The following GRM6 variants were observed in gnomAD, a reference collection of about 807,000 sequenced individuals.
The protein encoded by GRM6 is glutamate metabotropic receptor 6.
Under a neutral mutation model 78.4 loss-of-function variants are expected in GRM6, and 73 were observed. The observed-to-expected ratio is 0.93, with a 90% CI of 0.77 to 1.13. GRM6 has a LOEUF of 1.13. Ranked by LOEUF, GRM6 falls within the 50% of genes most tolerant of loss-of-function variation. GRM6 has a pLI of 0.00. For synonymous variants in GRM6, 580 were observed against 555.0 expected, an observed-to-expected ratio of 1.05 and a Z score of -0.63; for missense variants, 1,251 against 1,256.4, an observed-to-expected ratio of 1.00 and a Z score of 0.07.
chr5:178,988,335 G>A lies in GRM6; in HGVS notation c.1354+600C>T, dbSNP rs1760605836. Among the ~76,000 whole-genome samples, 1 of 152,226 alleles carries A rather than the reference G, an allele frequency of 6.6e-6. No individual in the cohort carries two copies. The highest frequency in any genetic ancestry group is 1.5e-5 in the Non-Finnish European group (1 of 68,038). ...TGATTAGCAGAGAGCATGGCGGAGA[G>A]AAGGTGGTGAGTGAGTGTTCAGTGG... On this transcript the variant is annotated intron_variant, in intron 7 of 10. Transcript: ENST00000517717. This position sits in a 1 kb window ranked among gnomAD's most constrained non-coding sequence, Gnocchi z 6.0.
chr5:178,989,726 C>G, intron 5 of GRM6: 1 of 438,916 alleles, frequency 2.3e-6, no homozygotes, highest in South Asian at 2.1e-5. Flanking sequence ...ACTTTTATCC[C>G]TGCTCCTTCT....
In GRM6 at chr5:178,981,424, A is replaced by ATC; in HGVS notation, c.*232_*233insGA. 1 of 489,296 alleles carries ATC rather than the reference A, an allele frequency of 2.0e-6. No individual in the cohort carries two copies. Among genetic ancestry groups the ATC allele is most frequent in the Non-Finnish European group, 3.7e-6 (1 of 271,808 alleles). The allele number at this position is 489,296 out of a possible 1,614,324, so 30.3% of individuals were successfully genotyped here. A position where few individuals can be genotyped will look rare whatever the true frequency, so the allele number is the denominator to read the frequency against. On this transcript the variant is annotated 3_prime_UTR_variant, in exon 11 of 11. Coordinates refer to ENST00000517717, the MANE Select transcript of GRM6 (RefSeq NM_000843.4). This position sits in a 1 kb window ranked among gnomAD's most constrained non-coding sequence, Gnocchi z 5.1. ...AGAACCTTCTCGGTGGCTGTTTCCC[A>ATC]CCATGGGAAGCGAGTCTGGTCTGTG...
In GRM6 at chr5:178,981,890, C is replaced by A. The variant is rs768658323; in HGVS notation, c.2437-36G>T. On this transcript the variant is annotated intron_variant, in intron 10 of 10. Transcript: ENST00000517717. This position sits in a 1 kb window ranked among gnomAD's most constrained non-coding sequence, Gnocchi z 5.1. ...GAAGAGGGGACCAGATGGGACTCAG[C>A]CCTGCTCTCCCTGCCCCGCTCCACA... 8.3e-7 allele frequency: 1 copy of A among 1,210,422 alleles called. No homozygotes were observed. The highest frequency in any genetic ancestry group is 1.2e-6 in the Non-Finnish European group (1 of 812,442). The allele number at this position is 1,210,422 out of a possible 1,614,324, so 75.0% of individuals were successfully genotyped here.
Position 178,992,094 on chromosome 5 carries a change from G to C in GRM6, c.505-11C>G, listed in dbSNP as rs556398229. 6.2e-7 allele frequency: 1 copy of C among 1,601,966 alleles called. No individual in the cohort carries two copies. Among genetic ancestry groups the C allele is most frequent in the South Asian group, 1.1e-5 (1 of 90,802 alleles). ...GCTGATCTGGGGTATCTGTGGGGCA[G>C]GAAGGACAGCTGGGCTGTGGATGGA... On this transcript the variant is annotated splice_polypyrimidine_tract_variant and intron_variant, in intron 2 of 10. Transcript: ENST00000517717. This position sits in a 1 kb window ranked among gnomAD's most constrained non-coding sequence, Gnocchi z 4.9.
In GRM6 at chr5:178,979,120, G is replaced by A. The variant is rs1207447691; in HGVS notation, c.*2537C>T. 2 of 152,172 alleles carry A rather than the reference G, an allele frequency of 1.3e-5. No homozygotes were observed. Among genetic ancestry groups the A allele is most frequent in the Non-Finnish European group, 2.9e-5 (2 of 68,084 alleles). 9.4% of individuals were successfully genotyped at this position (152,172 alleles called of 1,614,324 possible). On this transcript the variant is annotated 3_prime_UTR_variant, in exon 11 of 11. Coordinates refer to ENST00000517717, the MANE Select transcript of GRM6 (RefSeq NM_000843.4). The stretch of plus-strand genomic sequence containing the variant: ...TAAAACATTAGCTGGGTATGGTCGT[G>A]CGCACCAGCTACTCAGGAGGCTGAA...
chr5:178,981,318 C>A lies in GRM6; in HGVS notation c.*339G>T. 3.5e-6 allele frequency: 1 copy of A among 287,860 alleles called. No individual in the cohort carries two copies. Among genetic ancestry groups the A allele is most frequent in the Non-Finnish European group, 6.7e-6 (1 of 150,322 alleles). 17.8% of individuals were successfully genotyped at this position (287,860 alleles called of 1,614,324 possible). ...GGTTGACTGAGGGGAGGAAATCTCC[C>A]GCAAACCAGGCAAAGCCCAGGGCTT... On this transcript the variant is annotated 3_prime_UTR_variant, in exon 11 of 11. Coordinates refer to ENST00000517717, the MANE Select transcript of GRM6 (RefSeq NM_000843.4). The surrounding 1 kb of genome is among the most constrained non-coding windows in gnomAD (Gnocchi z 5.1).
chr5:178,992,233 A>G lies in GRM6; in HGVS notation c.505-150T>C. 1 of 706,450 alleles carries G rather than the reference A, an allele frequency of 1.4e-6. No homozygotes were observed. Among genetic ancestry groups the G allele is most frequent in the Non-Finnish European group, 2.6e-6 (1 of 391,460 alleles). The allele number at this position is 706,450 out of a possible 1,614,324, so 43.8% of individuals were successfully genotyped here. On this transcript the variant is annotated intron_variant, in intron 2 of 10. Coordinates refer to ENST00000517717, the MANE Select transcript of GRM6 (RefSeq NM_000843.4). This position sits in a 1 kb window ranked among gnomAD's most constrained non-coding sequence, Gnocchi z 4.9. ...GGGAGATGGAAGGGTTGGGGTGGGG[A>G]CCTGGGGCCAGCTGGAGCAGCCACC...
At chr5:178,990,462 C>T in intron 5 of GRM6, 130 bp downstream of exon 5, 1 of 819,950 alleles carries the variant, frequency 1.2e-6, no homozygotes, top group Non-Finnish European at 2.1e-6. Context: ...TGATCGGACT[C>T]ATAGGATCTG....
chr5:178,981,804 C>T lies in GRM6; in HGVS notation c.2487G>A (p.Ser829=), dbSNP rs202157072. The T allele has an allele frequency of 2.4e-5, 38 of 1,612,958 alleles. No individual in the cohort carries two copies. The highest frequency in any genetic ancestry group is 2.3e-4 in the South Asian group (21 of 91,050). The change falls in exon 11 of 11, where the codon TCG becomes TCA. Residue 829 remains serine (S), a synonymous_variant. Transcript: ENST00000517717. This position sits in a 1 kb window ranked among gnomAD's most constrained non-coding sequence, Gnocchi z 5.1. ...GTACGTAGAGCATGCCGAGGGACAC[C>T]GAGGCACTCAGGCTCAAGGACACGG... ...TLTVSLSLSA[S]VSLGMLYVPK...
Position 178,991,036 on chromosome 5 carries a change from G to A in GRM6, c.858-290C>T, listed in dbSNP as rs1175155801. Among the ~76,000 whole-genome samples the A allele has an allele frequency of 2.6e-5, 4 of 152,060 alleles. No homozygotes were observed. The highest frequency in any genetic ancestry group is 7.2e-5 in the African/African-American group (3 of 41,398). On this transcript the variant is annotated intron_variant, in intron 4 of 10. Transcript: ENST00000517717. The surrounding 1 kb of genome is among the most constrained non-coding windows in gnomAD (Gnocchi z 5.0). ...CCCCTCCCCACATGCCTCCACCAGCGTCACACCCAGCCTCCTAGGCTGGAG... is the reference window on the plus strand; with the variant it reads ...CCCCTCCCCACATGCCTCCACCAGCATCACACCCAGCCTCCTAGGCTGGAG...
In GRM6 at chr5:178,981,601, T is replaced by G. The variant is rs17078853; in HGVS notation, c.*56A>C. Reference sequence around the variant, plus strand: ...ACCCGGGCTCTATACAGCTTCCACCTCGAGGCAAGAGGAAGAAAGGAGAGG... The same window carrying G: ...ACCCGGGCTCTATACAGCTTCCACCGCGAGGCAAGAGGAAGAAAGGAGAGG... On this transcript the variant is annotated 3_prime_UTR_variant, in exon 11 of 11. Coordinates refer to ENST00000517717, the MANE Select transcript of GRM6 (RefSeq NM_000843.4). This position sits in a 1 kb window ranked among gnomAD's most constrained non-coding sequence, Gnocchi z 5.1. 0.04 allele frequency: 56,107 copies of G among 1,395,726 alleles called. 1,719 individuals carry two copies. The highest frequency in any genetic ancestry group is 0.16 in the East Asian group (6,840 of 43,658). The allele number at this position is 1,395,726 out of a possible 1,614,324, so 86.5% of individuals were successfully genotyped here.
At position 178,994,608 on chromosome 5, in the gene GRM6, C is replaced by T. The variant is rs1193400506; in HGVS notation, c.337G>A (p.Val113Met). The change falls in exon 2 of 11, where the codon GTG becomes ATG. Residue 113 changes from valine to methionine, a missense_variant. Val to Met is a conservative substitution (Grantham distance 21). Coordinates refer to ENST00000517717, the MANE Select transcript of GRM6 (RefSeq NM_000843.4). ...TYALEQALSF[V>M]QALIRGRGDG... The stretch of plus-strand genomic sequence containing the variant: ...CCGCGGCCGCGGATCAGCGCCTGCA[C>T]GAAGCTCAGCGCCTGCTCCAGCGCG... 4 of 1,429,722 alleles carry T rather than the reference C, an allele frequency of 2.8e-6. No homozygotes were observed. The South Asian group carries it at 5.5e-5, about 20-fold the overall frequency. The allele number at this position is 1,429,722 out of a possible 1,614,324, so 88.6% of individuals were successfully genotyped here.
In GRM6 at chr5:178,991,682, C is replaced by A; in HGVS notation, c.722-123G>T. On this transcript the variant is annotated intron_variant, in intron 3 of 10. Coordinates refer to ENST00000517717, the MANE Select transcript of GRM6 (RefSeq NM_000843.4). The surrounding 1 kb of genome is among the most constrained non-coding windows in gnomAD (Gnocchi z 5.0). ...TGCAGGGGTGAAGTCTGGCCTGCAC[C>A]CTCCGCCAAGCCTGAGGCAGGGCTG... is the stretch of plus-strand genomic sequence containing the variant. 1 of 1,294,384 alleles carries A rather than the reference C, an allele frequency of 7.7e-7. No homozygotes were observed. Among genetic ancestry groups the A allele is most frequent in the Non-Finnish European group, 1.1e-6 (1 of 895,582 alleles). 80.2% of individuals were successfully genotyped at this position (1,294,384 alleles called of 1,614,324 possible).
intron 10 of GRM6, among the ~76,000 whole-genome samples, chr5:178,982,150 A>G (rs912866770): frequency 3.3e-5 from 5 of 152,208 alleles, no homozygotes; most frequent in African/African-American, 7.2e-5. Context: ...ATACATACAA[A>G]TGAATAAATG....
At chr5:178,985,502 G>T (rs953363744) in intron 9 of GRM6, 7 of 340,944 alleles carry the variant, frequency 2.1e-5, no homozygotes, top group African/African-American at 1.1e-4. Flanking sequence ...AGGAGATCGA[G>T]ACCATCCTGG....
At chr5:178,983,323 G>T in intron 9 of GRM6, 102 bp from the exon 10 acceptor site, 2 of 991,466 alleles carry the variant, frequency 2.0e-6, no homozygotes, top group Non-Finnish European at 3.1e-6. Context: ...TGAGGCTCTG[G>T]CCTATGGAGG....
At chr5:178,993,824 G>A (rs1266327695) in intron 2 of GRM6, among the ~76,000 whole-genome samples, 1 of 152,210 alleles carries the variant, frequency 6.6e-6, no homozygotes, top group Non-Finnish European at 1.5e-5. Context: ...CCGGGCACCT[G>A]CGCAGGGCAG....
Position 178,991,312 on chromosome 5 carries a change from G to T in GRM6, c.857+112C>A. 1 of 1,074,944 alleles carries T rather than the reference G, an allele frequency of 9.3e-7. No homozygotes were observed. Among genetic ancestry groups the T allele is most frequent in the Non-Finnish European group, 1.4e-6 (1 of 699,662 alleles). The allele number at this position is 1,074,944 out of a possible 1,614,324, so 66.6% of individuals were successfully genotyped here. A position where few individuals can be genotyped will look rare whatever the true frequency, so the allele number is the denominator to read the frequency against. ...AGCAGCAGGGAAGGTGGGGGGTGCG[G>T]GGAGCAGGGGAAAGGGAGGCAGGGA... On this transcript the variant is annotated intron_variant, in intron 4 of 10. Coordinates refer to ENST00000517717, the MANE Select transcript of GRM6 (RefSeq NM_000843.4). The surrounding 1 kb of genome is among the most constrained non-coding windows in gnomAD (Gnocchi z 5.0).
At chr5:178,987,500 C>G in intron 7 of GRM6, 1 of 454,556 alleles carries the variant, frequency 2.2e-6, no homozygotes, top group Non-Finnish European at 4.4e-6. Flanking sequence ...CAGTTCTGAC[C>G]CATGCTATAA....
Sources: allele counts gnomAD v4.1 joint callset (sites outside exome capture counted in the v4.1 genomes callset), GRCh38; gene constraint gnomAD v4.1.1; non-coding constraint Gnocchi (gnomAD v3.1); transcripts MANE v1.5; gene names NCBI Gene and HGNC (gene_info 2026-07-23, HGNC 2026-07-21).